Variants in FRMD3 observed in about 807,000 individuals in gnomAD.
FRMD3 encodes the protein FERM domain-containing protein 3.
Under a neutral mutation model 70.2 loss-of-function variants are expected in FRMD3, and 33 were observed. The ratio of observed to expected loss-of-function variants is 0.47; its 90% CI spans 0.36 to 0.63. The LOEUF is 0.63. Among genes scored for constraint, FRMD3 ranks in the 20% least tolerant of loss-of-function variants. The pLI, the probability that FRMD3 is intolerant of heterozygous loss-of-function variation, is 0.00. For synonymous variants in FRMD3, 279 were observed against 255.9 expected, an observed-to-expected ratio of 1.09 and a Z score of -0.86; for missense variants, 632 against 711.4, an observed-to-expected ratio of 0.89 and a Z score of 1.27.
Position 83,299,651 on chromosome 9 carries a change from G to A in FRMD3, c.927-465C>T, listed in dbSNP as rs933386288. Among the ~76,000 whole-genome samples the A allele has an allele frequency of 4.6e-5, 7 of 152,350 alleles. No homozygotes were observed. The East Asian group carries it at 1.4e-3, about 29-fold the overall frequency. Reference sequence around the variant, plus strand: ...CAGCTTCCTGGCAACAGAGGTCACTGACTATGCCACGAAGAACTCACTGTG... The same window carrying A: ...CAGCTTCCTGGCAACAGAGGTCACTAACTATGCCACGAAGAACTCACTGTG... On this transcript the variant is annotated intron_variant, in intron 10 of 13. Coordinates refer to ENST00000304195, the MANE Select transcript of FRMD3 (RefSeq NM_174938.6).
chr9:83,558,352 A>C, the FRMD3 span, among the ~76,000 whole-genome samples: 8 of 152,222 alleles, frequency 5.3e-5, no homozygotes, highest in African/African-American at 1.9e-4. Flanking sequence ...GATTGAAAGC[A>C]AAATGCCAAA....
In FRMD3 at chr9:83,506,968, A is replaced by G. The variant is rs138494466; in HGVS notation, c.147+31117T>C. Among the ~76,000 whole-genome samples the G allele has an allele frequency of 1.3e-3, 200 of 152,286 alleles. 2 individuals are homozygous for G. Among genetic ancestry groups the G allele is most frequent in the African/African-American group, 4.6e-3 (191 of 41,556 alleles). ...ACACATTAGCCTAGGCCTACACAGG[A>G]TCAAGAGTGTCAATATCACTAGTCT... On this transcript the variant is annotated intron_variant, in intron 1 of 13. Coordinates refer to ENST00000304195, the MANE Select transcript of FRMD3 (RefSeq NM_174938.6).
At chr9:83,286,380 G>A (rs1834212932) in intron 13 of FRMD3, among the ~76,000 whole-genome samples, 1 of 151,550 alleles carries the variant, frequency 6.6e-6, no homozygotes, top group African/African-American at 2.4e-5. Context: ...TGCCCAGGCT[G>A]GAGTGCAATG....
chr9:83,386,461 G>A (rs1362379855), intron 2 of FRMD3, among the ~76,000 whole-genome samples: 1 of 152,116 alleles, frequency 6.6e-6, no homozygotes, highest in Non-Finnish European at 1.5e-5. Context: ...ACGTTAAATA[G>A]AGTCAAAATA....
At chr9:83,490,440 C>G (rs1032532838) in intron 1 of FRMD3, among the ~76,000 whole-genome samples, 5 of 151,910 alleles carry the variant, frequency 3.3e-5, no homozygotes, top group Admixed American at 2.0e-4. Flanking sequence ...AGGCGCCCAC[C>G]ACCACACCTG....
intron 1 of FRMD3, among the ~76,000 whole-genome samples, chr9:83,498,792 C>T (rs1440093729): frequency 6.6e-6 from 1 of 152,068 alleles, no homozygotes; most frequent in Non-Finnish European, 1.5e-5. Context: ...ATTTTCCACT[C>T]AAAACAGCTC....
the FRMD3 span, among the ~76,000 whole-genome samples, chr9:83,555,075 G>C: frequency 6.6e-6 from 1 of 152,196 alleles, no homozygotes; most frequent in Non-Finnish European, 1.5e-5. Context: ...CCAGTTAAGA[G>C]GTCCCATCCA....
chr9:83,308,652 T>A (rs1485733595), intron 10 of FRMD3, among the ~76,000 whole-genome samples: 1 of 152,226 alleles, frequency 6.6e-6, no homozygotes, highest in Admixed American at 6.5e-5. Context: ...TGTAACTCCA[T>A]GCACAGATCT....
At chr9:83,366,115 C>T (rs1824776584) in intron 3 of FRMD3, among the ~76,000 whole-genome samples, 1 of 151,892 alleles carries the variant, frequency 6.6e-6, no homozygotes, top group Admixed American at 6.6e-5. Flanking sequence ...CGAGACAGTA[C>T]TTAAGTTTCT....
Position 83,463,330 on chromosome 9 carries a change from T to C in FRMD3, c.148-73622A>G, listed in dbSNP as rs139776013. 7.2e-3 allele frequency among the ~76,000 whole-genome samples: 1,102 copies of C among 152,238 alleles called. 18 individuals are homozygous for C. Among genetic ancestry groups the C allele is most frequent in the African/African-American group, 0.025 (1,029 of 41,540 alleles). On this transcript the variant is annotated intron_variant, in intron 1 of 13. Coordinates refer to ENST00000304195, the MANE Select transcript of FRMD3 (RefSeq NM_174938.6). Reference sequence around the variant, plus strand: ...TAATAAAGACATATGTGAGACTGGGTAATTTATAAAGGAAAGAGGTTTAAT... The same window carrying C: ...TAATAAAGACATATGTGAGACTGGGCAATTTATAAAGGAAAGAGGTTTAAT...
Position 83,362,049 on chromosome 9 carries a change from G to C in FRMD3, c.295+10864C>G, listed in dbSNP as rs1205159335. Among the ~76,000 whole-genome samples, 6 of 152,182 alleles carry C rather than the reference G, an allele frequency of 3.9e-5. No individual in the cohort carries two copies. The East Asian group carries it at 1.2e-3, about 29-fold the overall frequency. On this transcript the variant is annotated intron_variant, in intron 3 of 13. Transcript: ENST00000304195. ...TGTGATAATTTATTATGGATGCCCA[G>C]AGAAACTAACACACTCAGCAAGGGG...
chr9:83,304,380 C>A (rs1000136485), intron 10 of FRMD3, among the ~76,000 whole-genome samples: 1 of 152,116 alleles, frequency 6.6e-6, no homozygotes, highest in African/African-American at 2.4e-5. Context: ...ACGGACCCAC[C>A]GCACAGTATC....
the FRMD3 span, among the ~76,000 whole-genome samples, chr9:83,578,730 T>C: frequency 6.6e-5 from 10 of 151,914 alleles, no homozygotes; most frequent in African/African-American, 9.6e-5. Context: ...CAGTAAAAAA[T>C]TGAAAGATTT....
chr9:83,543,354 C>G (rs996778955), upstream of FRMD3, among the ~76,000 whole-genome samples: 2 of 152,080 alleles, frequency 1.3e-5, no homozygotes, highest in African/African-American at 4.8e-5. Context: ...GCCCTCACCC[C>G]TGTGACAGAT....
chr9:83,318,772 A>G (rs1835683062), intron 6 of FRMD3, among the ~76,000 whole-genome samples: 1 of 152,180 alleles, frequency 6.6e-6, no homozygotes, highest in Admixed American at 6.5e-5. Flanking sequence ...ACCAACAGTT[A>G]TAAGTGTTTT....
chr9:83,343,316 C>CT, intron 4 of FRMD3, 29 bp from the exon 5 acceptor site: 3 of 1,500,742 alleles, frequency 2.0e-6, no homozygotes, highest in Non-Finnish European at 1.9e-6. Context: ...AATGGTCACT[C>CT]TAACTTTTGG....
At chr9:83,520,319 A>G (rs1218310452) in intron 1 of FRMD3, among the ~76,000 whole-genome samples, 1 of 152,188 alleles carries the variant, frequency 6.6e-6, no homozygotes, top group Non-Finnish European at 1.5e-5. Flanking sequence ...AAATAAAGGC[A>G]TATGTATTTG....
In FRMD3 at chr9:83,298,954, T is replaced by G. The variant is rs1015014675; in HGVS notation, c.1002-138A>C. On this transcript the variant is annotated intron_variant, in intron 11 of 13. Transcript: ENST00000304195. The stretch of plus-strand genomic sequence containing the variant: ...CATGAGGGGGAAAATTACGGTAGAA[T>G]TTGAGGGTGCCCTGTGAGCATAAGA... 3.0e-6 allele frequency: 3 copies of G among 1,014,630 alleles called. No individual in the cohort carries two copies. The African/African-American group carries it at 4.8e-5, about 16-fold the overall frequency. The allele number at this position is 1,014,630 out of a possible 1,614,324, so 62.9% of individuals were successfully genotyped here.
At chr9:83,255,833 T>G (rs1327186291) in intron 13 of FRMD3, among the ~76,000 whole-genome samples, 2 of 152,100 alleles carry the variant, frequency 1.3e-5, no homozygotes, top group Non-Finnish European at 2.9e-5. Context: ...GTGAAGGACC[T>G]CTTCAAGGAG....
Sources: allele counts gnomAD v4.1 joint callset (sites outside exome capture counted in the v4.1 genomes callset), GRCh38; gene constraint gnomAD v4.1.1; transcripts MANE v1.5; gene names NCBI Gene and HGNC (gene_info 2026-07-23, HGNC 2026-07-21).